Variants in CASKIN1 observed in about 807,000 individuals in gnomAD.
The protein encoded by CASKIN1 is CASK interacting protein 1.
Under a neutral mutation model 117.5 loss-of-function variants are expected in CASKIN1, and 42 were observed. The observed-to-expected ratio is 0.36, with a 90% CI of 0.28 to 0.46. CASKIN1 has a LOEUF of 0.46. Ranked by LOEUF, CASKIN1 falls within the 20% of genes least tolerant of loss-of-function variation. CASKIN1 has a pLI of 1.00. For missense variants in CASKIN1, 2,083 were observed against 2,077.3 expected (o/e 1.00, Z -0.05); for synonymous variants, 1,148 against 961.7 (o/e 1.19, Z -3.59).
At chr16:2,184,020 G>T in intron 14 of CASKIN1, 79 bp from the exon 15 acceptor site, 2 of 957,230 alleles carry the variant, frequency 2.1e-6, no homozygotes, top group Non-Finnish European at 3.1e-6. Flanking sequence ...CCTCTGCTTG[G>T]CCGGCCAGCC....
chr16:2,189,184 G>C (rs753026988), intron 5 of CASKIN1, 27 bp from the exon 6 acceptor site: 4 of 1,612,546 alleles, frequency 2.5e-6, no homozygotes, highest in Admixed American at 1.7e-5. Flanking sequence ...GGGTAGGGGG[G>C]TCCTGATGTG....
intron 1 of CASKIN1, among the ~76,000 whole-genome samples, chr16:2,194,061 C>A (rs953576268): frequency 6.6e-6 from 1 of 152,196 alleles, no homozygotes; most frequent in Non-Finnish European, 1.5e-5. Flanking sequence ...TTACCCCCGA[C>A]CAGCCCTCTC....
Position 2,177,182 on chromosome 16 carries a change from T to C in CASKIN1, c.*1368A>G, listed in dbSNP as rs959706707. On this transcript the variant is annotated 3_prime_UTR_variant, in exon 20 of 20. Transcript: ENST00000343516. ...CCCCAAAAAGTGAGCCAGGCACCTC[T>C]GTTTCCTGCTGTTTATTGACAGCCG... 4.1e-6 allele frequency: 1 copy of C among 245,568 alleles called. No homozygotes were observed. Among genetic ancestry groups the C allele is most frequent in the Non-Finnish European group, 8.1e-6 (1 of 123,944 alleles). The allele number at this position is 245,568 out of a possible 1,614,324, so 15.2% of individuals were successfully genotyped here.
chr16:2,190,199 GA>G (rs1166898081), intron 2 of CASKIN1, 29 bp from the exon 3 acceptor site: 11 of 1,611,302 alleles, frequency 6.8e-6, no homozygotes, highest in African/African-American at 1.3e-5. Flanking sequence ...ACATAGAGCA[GA>G]GGCCCTGGCG....
In CASKIN1 at chr16:2,183,819, T is replaced by C; in HGVS notation, c.1527+12A>G. On this transcript the variant is annotated intron_variant, in intron 15 of 19. Coordinates refer to ENST00000343516, the MANE Select transcript of CASKIN1 (RefSeq NM_020764.4). ...GGACGCAGCTGGCGCTGGCGGCGCA[T>C]GGAAAGCTCACCTCGGGAGTCATGC... 3 of 1,612,184 alleles carry C rather than the reference T, an allele frequency of 1.9e-6. No individual in the cohort carries two copies. Among genetic ancestry groups the C allele is most frequent in the South Asian group, 1.1e-5 (1 of 91,042 alleles).
Position 2,182,009 on chromosome 16 carries a change from G to T in CASKIN1, c.1630-80C>A. The T allele has an allele frequency of 6.3e-7, 1 of 1,589,758 alleles. No homozygotes were observed. Among genetic ancestry groups the T allele is most frequent in the Non-Finnish European group, 8.6e-7 (1 of 1,164,276 alleles). On this transcript the variant is annotated intron_variant, in intron 16 of 19. Transcript: ENST00000343516. This position sits in a 1 kb window ranked among gnomAD's most constrained non-coding sequence, Gnocchi z 4.1. Reference sequence around the variant, plus strand: ...ATCTACCTGGAGCTGGAGGAGGAAGGGTCACCGGGCCAGCAGGGCACAGAC... The same window carrying T: ...ATCTACCTGGAGCTGGAGGAGGAAGTGTCACCGGGCCAGCAGGGCACAGAC...
Position 2,179,381 on chromosome 16 carries a change from C to T in CASKIN1, c.3776-56G>A. 2 of 1,335,650 alleles carry T rather than the reference C, an allele frequency of 1.5e-6. No homozygotes were observed. The highest frequency in any genetic ancestry group is 1.9e-6 in the Non-Finnish European group (2 of 1,050,086). The allele number at this position is 1,335,650 out of a possible 1,614,324, so 82.7% of individuals were successfully genotyped here. On this transcript the variant is annotated intron_variant, in intron 18 of 19. Transcript: ENST00000343516. This position sits in a 1 kb window ranked among gnomAD's most constrained non-coding sequence, Gnocchi z 5.8. ...GGCACGAGTTCCGCCGCCGCGCCCC[C>T]TGCCCCAGCCTCCCGCGGCTTCCTC...
intron 6 of CASKIN1, among the ~76,000 whole-genome samples, chr16:2,188,482 C>T (rs2141323668): frequency 6.6e-6 from 1 of 152,046 alleles, no homozygotes; most frequent in African/African-American, 2.4e-5. Flanking sequence ...TCCCAAGTAG[C>T]TGGGTCTACA....
chr16:2,181,830 T>G lies in CASKIN1; in HGVS notation c.1729A>C (p.Thr577Pro). The stretch of plus-strand genomic sequence containing the variant: ...CCGATCTCCTGCAGGTCCTCCCAGG[T>G]GATGTCGGTGATGAAATCAATGTTC... ...YENIDFITDI[T>P]WEDLQEIGIT... Residue 577 changes from threonine (T) to proline (P), a missense_variant, in exon 17 of 20, where the codon ACC becomes CCC. This residue lies in a region of CASKIN1 where 1,818 missense variants were observed against 1,688.9 expected (regional missense o/e 1.08). Coordinates refer to ENST00000343516, the MANE Select transcript of CASKIN1 (RefSeq NM_020764.4). The G allele has an allele frequency of 6.2e-7, 1 of 1,613,620 alleles. No homozygotes were observed. The highest frequency in any genetic ancestry group is 8.5e-7 in the Non-Finnish European group (1 of 1,179,968).
At chr16:2,193,539 C>T (rs1385396310) in intron 1 of CASKIN1, among the ~76,000 whole-genome samples, 5 of 152,318 alleles carry the variant, frequency 3.3e-5, no homozygotes, top group Non-Finnish European at 2.9e-5. Context: ...AGCATGTCCC[C>T]AGGACTGTCC....
rs778808630 is a variant in CASKIN1, at chr16:2,179,805, G to A, written c.3563C>T (p.Pro1188Leu). ...CGGGGGCGGTGGAGGCAGCTCCGGAGGCCCAGCCTGCTCCGAGGCCGGTCG... is the reference window on the plus strand; with the variant it reads ...CGGGGGCGGTGGAGGCAGCTCCGGAAGCCCAGCCTGCTCCGAGGCCGGTCG... ...RRRPASEQAG[P>L]PELPPPPPPA... Residue 1188 changes from proline (P) to leucine (L), a missense_variant, in exon 18 of 20, where the codon CCT becomes CTT. Physicochemically the swap from Pro to Leu is moderately conservative, Grantham distance 98. Transcript: ENST00000343516. The surrounding 1 kb of genome is among the most constrained non-coding windows in gnomAD (Gnocchi z 5.8). 5 of 1,580,544 alleles carry A rather than the reference G, an allele frequency of 3.2e-6. No individual in the cohort carries two copies. The South Asian group carries it at 4.6e-5, about 14-fold the overall frequency.
chr16:2,196,538 C>T lies in CASKIN1; in HGVS notation c.-106G>A. 3.1e-6 allele frequency: 1 copy of T among 320,932 alleles called. No homozygotes were observed. Among genetic ancestry groups the T allele is most frequent in the Non-Finnish European group, 4.5e-6 (1 of 224,270 alleles). 19.9% of individuals were successfully genotyped at this position (320,932 alleles called of 1,614,324 possible). A position where few individuals can be genotyped will look rare whatever the true frequency, so the allele number is the denominator to read the frequency against. On this transcript the variant is annotated 5_prime_UTR_variant, in exon 1 of 20. Coordinates refer to ENST00000343516, the MANE Select transcript of CASKIN1 (RefSeq NM_020764.4). The surrounding 1 kb of genome is among the most constrained non-coding windows in gnomAD (Gnocchi z 5.7). ...GCCGCCTCCCCCGCCGCCTCCCCCGCCGCCTCCTCGCCGCCCGCCGCCCCT... is the reference window on the plus strand; with the variant it reads ...GCCGCCTCCCCCGCCGCCTCCCCCGTCGCCTCCTCGCCGCCCGCCGCCCCT...
In CASKIN1 at chr16:2,183,942, C is replaced by T; in HGVS notation, c.1417-1G>A. On this transcript the variant is annotated splice_acceptor_variant, in intron 14 of 19. Transcript: ENST00000343516. LOFTEE classifies it high-confidence loss of function. ...GCCACTGGCTCACGGCCTCAGAGCT[C>T]TGGAAGACACAAGGCACCCACTGCA... The T allele has an allele frequency of 6.3e-7, 1 of 1,591,292 alleles. No homozygotes were observed. Among genetic ancestry groups the T allele is most frequent in the Non-Finnish European group, 8.5e-7 (1 of 1,169,602 alleles).
chr16:2,189,401 C>CCCCGCTGCCCCGT lies in CASKIN1; in HGVS notation c.390+17_390+18insACGGGGCAGCGGG, dbSNP rs1567263094. The CCCCGCTGCCCCGT allele has an allele frequency of 1.2e-6, 2 of 1,609,328 alleles. No homozygotes were observed. The highest frequency in any genetic ancestry group is 1.7e-6 in the Non-Finnish European group (2 of 1,178,132). On this transcript the variant is annotated intron_variant, in intron 4 of 19. Coordinates refer to ENST00000343516, the MANE Select transcript of CASKIN1 (RefSeq NM_020764.4). ...GCGCTGCCCCGCCCCCGCTGCCCCG[C>CCCCGCTGCCCCGT]CCCCGCTCGGGCCTCACCACATCAT...
At chr16:2,190,919 G>C (rs1228802937) in intron 1 of CASKIN1, among the ~76,000 whole-genome samples, 1 of 152,200 alleles carries the variant, frequency 6.6e-6, no homozygotes, top group Non-Finnish European at 1.5e-5. Flanking sequence ...CAGGCGAGTG[G>C]GCTGGCACCT....
intron 9 of CASKIN1, 57 bp downstream of exon 9, chr16:2,186,921 G>A (rs2093186527): frequency 1.9e-6 from 3 of 1,603,646 alleles, no homozygotes; most frequent in South Asian, 2.2e-5. Context: ...GTTCTGGGGT[G>A]CGCACGCCCA....
In CASKIN1 at chr16:2,178,090, CTCAG is replaced by C. The variant is rs2093148822; in HGVS notation, c.*456_*459del. 2.0e-6 allele frequency: 1 copy of C among 498,706 alleles called. No individual in the cohort carries two copies. Among genetic ancestry groups the C allele is most frequent in the Non-Finnish European group, 3.9e-6 (1 of 258,736 alleles). The allele number at this position is 498,706 out of a possible 1,614,324, so 30.9% of individuals were successfully genotyped here. On this transcript the variant is annotated 3_prime_UTR_variant, in exon 20 of 20. Transcript: ENST00000343516. ...TTTTTGTTTCTCTGGGGAAATCCGC[CTCAG>C]CTCATTCCCAATAAATTAATACTCT...
chr16:2,180,155 G>C lies in CASKIN1; in HGVS notation c.3213C>G (p.Thr1071=), dbSNP rs887020667. The change falls in exon 18 of 20, where the codon ACC becomes ACG. Residue 1071 remains threonine, a synonymous_variant. Transcript: ENST00000343516. ...NRRRTLSGPV[T]GLLATARRGP... ...CCCGGCGGGCAGTGGCCAGAAGTCCGGTGACTGGCCCGCTGAGCGTGCGGC... is the reference window on the plus strand; with the variant it reads ...CCCGGCGGGCAGTGGCCAGAAGTCCCGTGACTGGCCCGCTGAGCGTGCGGC... 7.7e-6 allele frequency: 12 copies of C among 1,554,184 alleles called. No homozygotes were observed. In the African/African-American group the frequency reaches 1.2e-4, roughly 16 times the overall value.
intron 1 of CASKIN1, among the ~76,000 whole-genome samples, chr16:2,192,677 G>A (rs1014343046): frequency 2.6e-5 from 4 of 151,994 alleles, no homozygotes; most frequent in African/African-American, 7.2e-5. Flanking sequence ...CTCCCCATCC[G>A]AAGTGACCCT....
Sources: gnomAD v4.1 joint callset for allele counts (sites outside exome capture counted in the v4.1 genomes callset) on GRCh38, gnomAD v4.1.1 for gene constraint, gnomAD v4.1.1 regional missense constraint, Gnocchi (gnomAD v3.1) non-coding constraint, MANE v1.5 for transcripts, NCBI Gene and HGNC (gene_info 2026-07-23, HGNC 2026-07-21) for gene names.